The following WWTR1 variants were observed in gnomAD, a reference collection of about 807,000 sequenced individuals.
WWTR1 encodes WW domain-containing transcription regulator protein 1.
A neutral mutation model predicts 40.1 loss-of-function variants in WWTR1; 13 were observed. The ratio of observed to expected loss-of-function variants is 0.32; its 90% CI spans 0.21 to 0.52. The LOEUF (loss-of-function observed/expected upper bound fraction) is 0.52. Ranked by LOEUF, WWTR1 falls within the 20% of genes least tolerant of loss-of-function variation. The probability of loss-of-function intolerance (pLI) is 0.97; values close to 1 mark genes in which losing one functional copy is unlikely to be tolerated. For missense variants in WWTR1, 436 were observed against 523.1 expected (o/e 0.83, Z 1.63); for synonymous variants, 230 against 210.1 (o/e 1.09, Z -0.82).
Position 149,614,646 on chromosome 3 carries a change from T to C in WWTR1, c.432-41646A>G, listed in dbSNP as rs945419621. On this transcript the variant is annotated intron_variant, in intron 2 of 6. Coordinates refer to ENST00000360632, the MANE Select transcript of WWTR1 (RefSeq NM_015472.6). ...ATTAAGGCTCTTTTGACCTAAGAAG[T>C]CTCTTACAAACAATATGAACATCTT... Among the ~76,000 whole-genome samples the C allele has an allele frequency of 3.3e-5, 5 of 152,118 alleles. 1 individual carries two copies. The highest frequency in any genetic ancestry group is 1.2e-4 in the African/African-American group (5 of 41,418).
chr3:149,526,351 C>A (rs1265676643), intron 5 of WWTR1, among the ~76,000 whole-genome samples: 1 of 151,700 alleles, frequency 6.6e-6, no homozygotes, highest in Non-Finnish European at 1.5e-5. Flanking sequence ...CTTTTCACCT[C>A]AAAATAACCA....
intron 1 of WWTR1, among the ~76,000 whole-genome samples, chr3:149,686,295 T>A (rs536465811): frequency 6.6e-6 from 1 of 152,298 alleles, no homozygotes; most frequent in East Asian, 1.9e-4. Context: ...TTTCCAGGCA[T>A]CACATCTCAG....
chr3:149,622,087 T>C (rs1740305430), intron 2 of WWTR1, among the ~76,000 whole-genome samples: 2 of 152,216 alleles, frequency 1.3e-5, no homozygotes, highest in South Asian at 4.1e-4. Flanking sequence ...CCCAGTCTTA[T>C]GACATGATTG....
intron 2 of WWTR1, among the ~76,000 whole-genome samples, chr3:149,631,418 C>T (rs1711544541): frequency 1.3e-5 from 2 of 152,134 alleles, no homozygotes; most frequent in Admixed American, 6.5e-5. Flanking sequence ...CACCACTCTC[C>T]AAGCAAAGTT....
At chr3:149,605,889 G>A (rs1739457938) in intron 2 of WWTR1, among the ~76,000 whole-genome samples, 1 of 152,138 alleles carries the variant, frequency 6.6e-6, no homozygotes, top group Non-Finnish European at 1.5e-5. Flanking sequence ...AACAGGTACT[G>A]TCACAGGTGG....
chr3:149,611,383 A>G (rs986683260), intron 2 of WWTR1, among the ~76,000 whole-genome samples: 8 of 152,178 alleles, frequency 5.3e-5, no homozygotes, highest in Non-Finnish European at 1.2e-4. Context: ...TGTATTGTCT[A>G]CAGATGCTTT....
At chr3:149,544,910 T>C (rs944298475) in intron 3 of WWTR1, among the ~76,000 whole-genome samples, 40 of 152,298 alleles carry the variant, frequency 2.6e-4, no homozygotes, top group African/African-American at 9.6e-4. Context: ...AAAGGGAAGA[T>C]ATCAGTGTAT....
At chr3:149,549,505 C>T (rs1736518227) in intron 3 of WWTR1, among the ~76,000 whole-genome samples, 1 of 152,154 alleles carries the variant, frequency 6.6e-6, no homozygotes, top group Non-Finnish European at 1.5e-5. Flanking sequence ...GTTTAAGAAA[C>T]TGTCACAGCC....
In WWTR1 at chr3:149,565,928, C is replaced by CAA. The variant is rs58536558; in HGVS notation, c.568+6934_568+6935dup. Among the ~76,000 whole-genome samples, 121 of 73,398 alleles carry CAA rather than the reference C, an allele frequency of 1.6e-3. No homozygotes were observed. In the East Asian group the frequency reaches 0.022, roughly 13 times the overall value. 48.2% of individuals were successfully genotyped at this position (73,398 alleles called of 152,430 possible). On this transcript the variant is annotated intron_variant, in intron 3 of 6. Transcript: ENST00000360632. ...GAGCAACAAGAGCGAAACTCTGTCT[C>CAA]AAAAAAAAAAAAAAAAAAAAGAATC...
At position 149,616,589 on chromosome 3, in the gene WWTR1, C is replaced by A. The variant is rs139298247; in HGVS notation, c.431+40287G>T. Among the ~76,000 whole-genome samples, 306 of 152,060 alleles carry A rather than the reference C, an allele frequency of 2.0e-3. 14 individuals are homozygous for A. In the East Asian group the frequency reaches 0.056, roughly 28 times the overall value. ...TCCTGAGTAGCTGGGATTACAGGGA[C>A]GTGCCACCACACCTGGCTAATTTTG... On this transcript the variant is annotated intron_variant, in intron 2 of 6. Transcript: ENST00000360632.
chr3:149,617,007 T>G (rs1233934638), intron 2 of WWTR1, among the ~76,000 whole-genome samples: 4 of 151,950 alleles, frequency 2.6e-5, no homozygotes, highest in African/African-American at 9.7e-5. Context: ...ACCAAGAAAA[T>G]GCGAAACTAA....
chr3:149,695,234 T>C (rs117449820), intron 1 of WWTR1, among the ~76,000 whole-genome samples: 3,018 of 152,122 alleles, frequency 0.02, 63 homozygotes, highest in South Asian at 0.093. Context: ...AAGAATAAGA[T>C]CTAGTATTTG....
intron 2 of WWTR1, among the ~76,000 whole-genome samples, chr3:149,623,032 T>A (rs1188370716): frequency 1.3e-5 from 2 of 152,170 alleles, no homozygotes; most frequent in Non-Finnish European, 2.9e-5. Flanking sequence ...GAACAAATTC[T>A]AATGAAGCAC....
At chr3:149,687,549 A>T (rs759970525) in intron 1 of WWTR1, among the ~76,000 whole-genome samples, 2 of 152,338 alleles carry the variant, frequency 1.3e-5, no homozygotes, top group Middle Eastern at 6.8e-3. Context: ...TTTAATCCTT[A>T]TAACAATCAT....
chr3:149,535,445 G>A (rs1735782477), intron 4 of WWTR1, among the ~76,000 whole-genome samples: 1 of 151,984 alleles, frequency 6.6e-6, no homozygotes, highest in African/African-American at 2.4e-5. Flanking sequence ...AAAATGCACT[G>A]TCACACTTCC....
chr3:149,695,517 T>C (rs1192649642), intron 1 of WWTR1, among the ~76,000 whole-genome samples: 1 of 151,986 alleles, frequency 6.6e-6, no homozygotes. Flanking sequence ...TCACAGCACT[T>C]TGGGAGGCCA....
chr3:149,544,059 C>T (rs911754915), intron 3 of WWTR1, among the ~76,000 whole-genome samples: 4 of 151,944 alleles, frequency 2.6e-5, no homozygotes, highest in South Asian at 2.1e-4. Flanking sequence ...GAAGCCACCA[C>T]GCCTGGTGGC....
intron 1 of WWTR1, among the ~76,000 whole-genome samples, chr3:149,671,112 A>G (rs1445225335): frequency 6.6e-6 from 1 of 152,190 alleles, no homozygotes; most frequent in African/African-American, 2.4e-5. Context: ...CAAATATTGC[A>G]AAAACTTAAC....
chr3:149,544,792 C>T (rs576599877), intron 3 of WWTR1, among the ~76,000 whole-genome samples: 2 of 152,314 alleles, frequency 1.3e-5, no homozygotes, highest in African/African-American at 4.8e-5. Flanking sequence ...ACCACACACA[C>T]AGCAGGTCAT....
Sources: gnomAD v4.1 joint callset for allele counts (sites outside exome capture counted in the v4.1 genomes callset) on GRCh38, gnomAD v4.1.1 for gene constraint, MANE v1.5 for transcripts, NCBI Gene and HGNC (gene_info 2026-07-23, HGNC 2026-07-21) for gene names.